Variants in GABRA6 observed in about 807,000 individuals in gnomAD.
GABRA6 encodes the protein gamma-aminobutyric acid receptor subunit alpha-6.
A neutral mutation model predicts 47.3 loss-of-function variants in GABRA6; 45 were observed. The ratio of observed to expected loss-of-function variants is 0.95; its 90% CI spans 0.75 to 1.22. The LOEUF is 1.22. Ranked by LOEUF, GABRA6 falls within the 50% of genes most tolerant of loss-of-function variation. The probability of loss-of-function intolerance (pLI) is 0.00; values close to 1 mark genes in which losing one functional copy is unlikely to be tolerated. For synonymous variants in GABRA6, 219 were observed against 194.7 expected (o/e 1.12, Z -1.04); for missense variants, 583 against 549.3 (o/e 1.06, Z -0.61).
intron 7 of GABRA6, among the ~76,000 whole-genome samples, chr5:161,691,525 C>T (rs2113074585): frequency 6.6e-6 from 1 of 151,846 alleles, no homozygotes; most frequent in East Asian, 1.9e-4. Flanking sequence ...TGGTCTCGAT[C>T]TCCTGACCTC....
At chr5:161,701,096 T>C (rs1341821951) in intron 8 of GABRA6, among the ~76,000 whole-genome samples, 1 of 152,146 alleles carries the variant, frequency 6.6e-6, no homozygotes, top group South Asian at 2.1e-4. Context: ...ATATTCCAAA[T>C]TGGAATTCAC....
In GABRA6 at chr5:161,690,220, A is replaced by G. The variant is rs1265353024; in HGVS notation, c.693A>G (p.Thr231=). The G allele has an allele frequency of 4.3e-6, 7 of 1,613,650 alleles. No individual in the cohort carries two copies. The highest frequency in any genetic ancestry group is 1.7e-5 in the Admixed American group (1 of 60,008). Residue 231 remains threonine (T), a synonymous_variant, in exon 7 of 9, where the codon ACA becomes ACG. Transcript: ENST00000274545. ...KSNTGEYVIM[T]VYFHLQRKMG... ...CAACAGGTGAATACGTTATAATGAC[A>G]GTTTACTTCCACTTGCAAAGGAAGA...
At chr5:161,688,424 A>C (rs73307556) in intron 3 of GABRA6, among the ~76,000 whole-genome samples, 1 of 152,134 alleles carries the variant, frequency 6.6e-6, no homozygotes, top group Non-Finnish European at 1.5e-5. Context: ...ACACTTGTTT[A>C]TATGTTCCCT....
At position 161,701,595 on chromosome 5, in the gene GABRA6, C is replaced by A. The variant is rs759522719; in HGVS notation, c.1184C>A (p.Pro395His). Residue 395 changes from proline to histidine, a missense_variant, in exon 9 of 9, where the codon CCC becomes CAC. Physicochemically the swap from Pro to His is moderately conservative, Grantham distance 77 (BLOSUM62 -2). Transcript: ENST00000274545. ...GCCAATAAAGTGCTCACGAGAGCGC[C>A]CATCTTACAATCAACACCTGTCACA... ...SEANKVLTRAPILQSTPVTPP... is the reference protein window; with the variant it reads ...SEANKVLTRAHILQSTPVTPP... 2.5e-6 allele frequency: 4 copies of A among 1,614,106 alleles called. No homozygotes were observed. In the South Asian group the frequency reaches 4.4e-5, roughly 18 times the overall value.
At chr5:161,687,149 A>C in intron 3 of GABRA6, 146 bp downstream of exon 3, 1 of 740,588 alleles carries the variant, frequency 1.4e-6, no homozygotes, top group Non-Finnish European at 2.5e-6. Flanking sequence ...CATGACCATT[A>C]GAATGGATTC....
intron 8 of GABRA6, among the ~76,000 whole-genome samples, chr5:161,700,207 A>G (rs1292412589): frequency 6.6e-6 from 1 of 152,180 alleles, no homozygotes; most frequent in Non-Finnish European, 1.5e-5. Context: ...ACAGGGGAGG[A>G]AGCTGTCTTA....
intron 8 of GABRA6, among the ~76,000 whole-genome samples, chr5:161,697,196 C>T (rs1268796507): frequency 2.0e-5 from 3 of 152,194 alleles, no homozygotes; most frequent in Non-Finnish European, 2.9e-5. Flanking sequence ...AGGCGTTCCA[C>T]TCAAAACAGT....
chr5:161,698,048 T>A (rs1349609540), intron 8 of GABRA6, among the ~76,000 whole-genome samples: 1 of 152,208 alleles, frequency 6.6e-6, no homozygotes, highest in East Asian at 1.9e-4. Context: ...TCATAAAACT[T>A]TTCATCCCCC....
Position 161,686,985 on chromosome 5 carries a change from C to T in GABRA6, c.207C>T (p.Pro69=), listed in dbSNP as rs778661667. ...ACATTTATGTGACCAGTTTTGGGCC[C>T]GTGTCAGATGTGGAGATGGTGAGTA... ...KTDIYVTSFG[P]VSDVEMEYTM... The change falls in exon 3 of 9, where the codon CCC becomes CCT. Residue 69 remains proline, a synonymous_variant. Transcript: ENST00000274545. 35 of 1,613,690 alleles carry T rather than the reference C, an allele frequency of 2.2e-5. No homozygotes were observed. The highest frequency in any genetic ancestry group is 2.6e-5 in the Non-Finnish European group (31 of 1,179,844).
At chr5:161,700,630 T>C (rs1754963024) in intron 8 of GABRA6, among the ~76,000 whole-genome samples, 1 of 152,202 alleles carries the variant, frequency 6.6e-6, no homozygotes, top group Non-Finnish European at 1.5e-5. Flanking sequence ...TTCCCCTATC[T>C]GGACCCTAGC....
In GABRA6 at chr5:161,692,097, C is replaced by T. The variant is rs748600955; in HGVS notation, c.983C>T (p.Thr328Ile). The T allele has an allele frequency of 1.1e-5, 18 of 1,614,020 alleles. No homozygotes were observed. The highest frequency in any genetic ancestry group is 1.4e-5 in the Non-Finnish European group (17 of 1,180,010). Residue 328 changes from threonine to isoleucine, a missense_variant, in exon 8 of 9, where the codon ACC becomes ATC. Coordinates refer to ENST00000274545, the MANE Select transcript of GABRA6 (RefSeq NM_000811.3). ...GAGTTCGCAGCTGTCAACTACTTTA[C>T]CAATCTTCAGACACAGAAGGCCAAA... ...LIEFAAVNYF[T>I]NLQTQKAKRK...
intron 8 of GABRA6, among the ~76,000 whole-genome samples, chr5:161,698,320 G>C (rs1415262910): frequency 5.3e-5 from 8 of 152,138 alleles, no homozygotes; most frequent in African/African-American, 1.7e-4. Context: ...GCAGAAAAAT[G>C]CATAAGGCTG....
intron 1 of GABRA6, 64 bp downstream of exon 1, chr5:161,686,091 A>T (rs1754686114): frequency 1.3e-6 from 2 of 1,487,548 alleles, no homozygotes; most frequent in Middle Eastern, 3.4e-4. Flanking sequence ...GTATACATCC[A>T]TTGGGTGACT....
intron 8 of GABRA6, among the ~76,000 whole-genome samples, chr5:161,696,907 C>T (rs1319568828): frequency 6.6e-6 from 1 of 152,026 alleles, no homozygotes; most frequent in Non-Finnish European, 1.5e-5. Flanking sequence ...TTGGTTGATC[C>T]CTTCAGTAAG....
chr5:161,697,592 T>G (rs1007915052), intron 8 of GABRA6, among the ~76,000 whole-genome samples: 2 of 152,126 alleles, frequency 1.3e-5, no homozygotes, highest in African/African-American at 4.8e-5. Flanking sequence ...TTGGGCAATG[T>G]CTGGAGATAC....
Position 161,689,171 on chromosome 5 carries a change from T to G in GABRA6, c.446+2T>G. On this transcript the variant is annotated splice_donor_variant, in intron 4 of 8. Transcript: ENST00000274545. LOFTEE classifies it high-confidence loss of function. ...TGGAACCATTTTATACACCATGAGGTGAGGTTTCTCCAATTCTATTTCCCC... is the reference window on the plus strand; with the variant it reads ...TGGAACCATTTTATACACCATGAGGGGAGGTTTCTCCAATTCTATTTCCCC... The G allele has an allele frequency of 1.9e-6, 3 of 1,613,400 alleles. No individual in the cohort carries two copies. Among genetic ancestry groups the G allele is most frequent in the Non-Finnish European group, 1.7e-6 (2 of 1,179,358 alleles).
At chr5:161,691,160 A>G (rs1459459402) in intron 7 of GABRA6, among the ~76,000 whole-genome samples, 1 of 151,976 alleles carries the variant, frequency 6.6e-6, no homozygotes, top group Admixed American at 6.6e-5. Context: ...CTTAAAATCT[A>G]GCTAGAAACA....
chr5:161,692,973 G>C (rs969278211), intron 8 of GABRA6, among the ~76,000 whole-genome samples: 1 of 152,058 alleles, frequency 6.6e-6, no homozygotes, highest in African/African-American at 2.4e-5. Context: ...TATTTTAATG[G>C]ATAATAAAAC....
intron 8 of GABRA6, 28 bp from the exon 9 acceptor site, chr5:161,701,470 G>A: frequency 6.2e-7 from 1 of 1,610,476 alleles, no homozygotes; most frequent in Non-Finnish European, 8.5e-7. Context: ...TCTTTCATTT[G>A]GGCTTAATAT....
Sources: gnomAD v4.1 joint callset for allele counts (sites outside exome capture counted in the v4.1 genomes callset) on GRCh38, gnomAD v4.1.1 for gene constraint, MANE v1.5 for transcripts, NCBI Gene and HGNC (gene_info 2026-07-23, HGNC 2026-07-21) for gene names.